Variants in ARMH3 observed in about 807,000 individuals in gnomAD.
ARMH3 encodes armadillo-like helical domain-containing protein 3.
In ARMH3, 60 loss-of-function variants were observed where a neutral mutation model predicts 99.1. The observed-to-expected ratio is 0.61, with a 90% CI of 0.49 to 0.75. ARMH3 has a LOEUF of 0.75. ARMH3 is among the 30% of genes least tolerant of loss of function. The pLI, the probability that ARMH3 is intolerant of heterozygous loss-of-function variation, is 0.00. For missense variants in ARMH3, 679 were observed against 843.1 expected, an observed-to-expected ratio of 0.81 and a Z score of 2.41; for synonymous variants, 285 against 292.8, an observed-to-expected ratio of 0.97 and a Z score of 0.27.
chr10:101,928,650 G>GA (rs1843598239), intron 23 of ARMH3, among the ~76,000 whole-genome samples: 1 of 152,194 alleles, frequency 6.6e-6, no homozygotes. Context: ...GCCTGGGCAA[G>GA]AGAGAGAGGC....
intron 23 of ARMH3, among the ~76,000 whole-genome samples, chr10:101,923,115 C>T (rs527944327): frequency 3.8e-4 from 58 of 152,246 alleles, no homozygotes; most frequent in African/African-American, 1.3e-3. Flanking sequence ...AATATCTGGA[C>T]TCCAGGGAGA....
chr10:102,020,168 A>G (rs926390589), intron 8 of ARMH3, among the ~76,000 whole-genome samples: 12 of 152,182 alleles, frequency 7.9e-5, no homozygotes, highest in African/African-American at 2.9e-4. Context: ...AAACAGTTAC[A>G]GTAAGTTAAT....
intron 23 of ARMH3, among the ~76,000 whole-genome samples, chr10:101,890,840 A>G (rs1251753683): frequency 6.6e-6 from 1 of 151,616 alleles, no homozygotes; most frequent in Admixed American, 6.6e-5. Context: ...AAAATATCAG[A>G]CAGGGGACAT....
intron 20 of ARMH3, among the ~76,000 whole-genome samples, chr10:101,971,258 T>C (rs1590108805): frequency 6.6e-6 from 1 of 151,890 alleles, no homozygotes; most frequent in Non-Finnish European, 1.5e-5. Context: ...AAGTTCCCAG[T>C]AGGAGCGCAG....
intron 23 of ARMH3, among the ~76,000 whole-genome samples, chr10:101,937,821 G>A (rs565022206): frequency 6.6e-6 from 1 of 152,076 alleles, no homozygotes; most frequent in Non-Finnish European, 1.5e-5. Flanking sequence ...GCCTTACTGT[G>A]GTGACATTCA....
At chr10:101,953,108 T>C (rs935276903) in intron 22 of ARMH3, among the ~76,000 whole-genome samples, 1 of 152,192 alleles carries the variant, frequency 6.6e-6, no homozygotes, top group Non-Finnish European at 1.5e-5. Context: ...TGAATGGTGC[T>C]ATTATAAACT....
intron 24 of ARMH3, among the ~76,000 whole-genome samples, chr10:101,860,241 T>G (rs949912967): frequency 1.3e-5 from 2 of 152,146 alleles, no homozygotes; most frequent in African/African-American, 2.4e-5. Flanking sequence ...GGAGATGATA[T>G]ATATAGATAT....
Position 102,023,517 on chromosome 10 carries a change from A to C in ARMH3, c.629T>G (p.Val210Gly), listed in dbSNP as rs1015866200. ...PSRREHGYDA[V>G]VLLALLVNYR... ...GTTCACCAGCAAAGCCAAGAGGACGACAGCATCATACCCATGCTCCCTACG... is the reference window on the plus strand; with the variant it reads ...GTTCACCAGCAAAGCCAAGAGGACGCCAGCATCATACCCATGCTCCCTACG... The change falls in exon 8 of 26, where the codon GTC becomes GGC. Residue 210 changes from valine (V) to glycine (G), a missense_variant. This residue lies in a region of ARMH3 where 280 missense variants were observed against 354.6 expected (regional missense o/e 0.79). Coordinates refer to ENST00000370033, the MANE Select transcript of ARMH3 (RefSeq NM_024541.3). 7 of 1,614,056 alleles carry C rather than the reference A, an allele frequency of 4.3e-6. No homozygotes were observed. The highest frequency in any genetic ancestry group is 2.7e-5 in the African/African-American group (2 of 74,920).
intron 14 of ARMH3, among the ~76,000 whole-genome samples, chr10:102,005,876 T>C (rs2066472559): frequency 6.6e-6 from 1 of 152,224 alleles, no homozygotes; most frequent in South Asian, 2.1e-4. Context: ...AAACTCCCAA[T>C]TATAATACAC....
chr10:101,974,058 T>C (rs973277845), intron 20 of ARMH3, among the ~76,000 whole-genome samples: 1 of 152,210 alleles, frequency 6.6e-6, no homozygotes, highest in African/African-American at 2.4e-5. Flanking sequence ...TTAACTCTCC[T>C]GACATTCTTT....
chr10:101,936,655 G>A (rs1843992023), intron 23 of ARMH3, among the ~76,000 whole-genome samples: 2 of 151,544 alleles, frequency 1.3e-5, no homozygotes, highest in Admixed American at 1.3e-4. Context: ...CCTCCTCTGG[G>A]GATATGTCCC....
chr10:101,900,635 G>C (rs1251045635), intron 23 of ARMH3, among the ~76,000 whole-genome samples: 1 of 152,092 alleles, frequency 6.6e-6, no homozygotes, highest in Non-Finnish European at 1.5e-5. Context: ...TTAAGCATGG[G>C]AGAGCAAGAA....
intron 19 of ARMH3, among the ~76,000 whole-genome samples, chr10:101,982,620 C>T (rs1467334661): frequency 6.6e-6 from 1 of 152,180 alleles, no homozygotes; most frequent in Non-Finnish European, 1.5e-5. Context: ...TTTACAGCTG[C>T]TGCCCATGGT....
Position 102,006,644 on chromosome 10 carries a change from T to A in ARMH3, c.955-11A>T, listed in dbSNP as rs745661640. 2 of 1,611,458 alleles carry A rather than the reference T, an allele frequency of 1.2e-6. No individual in the cohort carries two copies. Among genetic ancestry groups the A allele is most frequent in the African/African-American group, 2.7e-5 (2 of 74,966 alleles). On this transcript the variant is annotated splice_polypyrimidine_tract_variant and intron_variant, in intron 13 of 25. Coordinates refer to ENST00000370033, the MANE Select transcript of ARMH3 (RefSeq NM_024541.3). ...CATTTCTGGATGGCTCTGAAAAAGA[T>A]ACACAGATGTGTAAGAAAACAGAAA...
intron 24 of ARMH3, among the ~76,000 whole-genome samples, chr10:101,882,393 C>G (rs1481543424): frequency 6.6e-6 from 1 of 152,228 alleles, no homozygotes; most frequent in African/African-American, 2.4e-5. Context: ...CATGTCACAG[C>G]ATTTGTAAAC....
intron 11 of ARMH3, among the ~76,000 whole-genome samples, chr10:102,010,915 C>G (rs2066616423): frequency 6.6e-6 from 1 of 152,142 alleles, no homozygotes; most frequent in South Asian, 2.1e-4. Flanking sequence ...GCAGAAGGAA[C>G]AATTCGTAAG....
intron 24 of ARMH3, among the ~76,000 whole-genome samples, chr10:101,872,909 G>A (rs1377197845): frequency 6.6e-6 from 1 of 151,270 alleles, no homozygotes; most frequent in Non-Finnish European, 1.5e-5. Context: ...AGCGAGCCGA[G>A]ATCACGCCAC....
At chr10:101,992,337 T>C (rs753286705) in intron 17 of ARMH3, among the ~76,000 whole-genome samples, 6 of 152,116 alleles carry the variant, frequency 3.9e-5, no homozygotes, top group Non-Finnish European at 8.8e-5. Context: ...TTTAGTTATA[T>C]AAGTGGCATT....
intron 8 of ARMH3, among the ~76,000 whole-genome samples, chr10:102,022,491 TAA>T (rs745889967): frequency 3.3e-4 from 28 of 85,340 alleles, no homozygotes; most frequent in Admixed American, 4.1e-4. Context: ...GACTCTGACT[TAA>T]AAAAAAAAAA....
Sources: gnomAD v4.1 joint callset for allele counts (sites outside exome capture counted in the v4.1 genomes callset) on GRCh38, gnomAD v4.1.1 for gene constraint, gnomAD v4.1.1 regional missense constraint, MANE v1.5 for transcripts, NCBI Gene and HGNC (gene_info 2026-07-23, HGNC 2026-07-21) for gene names.